The following ACTR5 variants were observed in gnomAD, a reference collection of about 807,000 sequenced individuals.
ACTR5 encodes the protein actin related protein 5.
ACTR5 carries 43 observed loss-of-function variants against 61.2 expected under a neutral mutation model. That is an observed-to-expected ratio of 0.70 (90% CI 0.55 to 0.91). The LOEUF (loss-of-function observed/expected upper bound fraction) is 0.91, where lower values mean the gene tolerates loss of function less well. Among genes scored for constraint, ACTR5 ranks in the 40% least tolerant of loss-of-function variants. ACTR5 has a pLI of 0.00. For missense variants in ACTR5, 798 were observed against 782.2 expected (o/e 1.02, Z -0.24); for synonymous variants, 333 against 310.5 (o/e 1.07, Z -0.76).
intron 2 of ACTR5, among the ~76,000 whole-genome samples, chr20:38,751,321 A>G (rs2084385870): frequency 6.6e-6 from 1 of 152,246 alleles, no homozygotes; most frequent in Non-Finnish European, 1.5e-5. Flanking sequence ...CTGAACATAT[A>G]AGGCAAATAC....
intron 8 of ACTR5, among the ~76,000 whole-genome samples, chr20:38,769,101 G>C (rs575587739): frequency 1.3e-5 from 2 of 152,074 alleles, no homozygotes; most frequent in Non-Finnish European, 2.9e-5. Flanking sequence ...CCACCCGCTC[G>C]TCAGCCACAG....
At chr20:38,757,012 A>G (rs1456068354) in intron 5 of ACTR5, among the ~76,000 whole-genome samples, 1 of 152,170 alleles carries the variant, frequency 6.6e-6, no homozygotes, top group Non-Finnish European at 1.5e-5. Context: ...ATAACCTCAG[A>G]CTCCTGGGCT....
At chr20:38,759,367 ACT>A (rs2084439945) in intron 5 of ACTR5, among the ~76,000 whole-genome samples, 2 of 88,628 alleles carry the variant, frequency 2.3e-5, no homozygotes, top group African/African-American at 7.6e-5. Flanking sequence ...ACCCTGGCAA[ACT>A]CTAGCGAGAG....
intron 5 of ACTR5, 98 bp downstream of exon 5, chr20:38,756,137 G>A (rs2084418888): frequency 7.6e-7 from 1 of 1,322,950 alleles, no homozygotes. Context: ...AGGAGGGAAA[G>A]AGAGCAGAGG....
intron 3 of ACTR5, among the ~76,000 whole-genome samples, chr20:38,752,762 T>C (rs959872057): frequency 2.6e-5 from 4 of 152,226 alleles, no homozygotes; most frequent in African/African-American, 7.2e-5. Context: ...GATGAAAATA[T>C]CTTCCTCGTG....
Position 38,771,557 on chromosome 20 carries a change from A to G in ACTR5, c.1567-2A>G, listed in dbSNP as rs890559732. 6.2e-7 allele frequency: 1 copy of G among 1,609,118 alleles called. No individual in the cohort carries two copies. The highest frequency in any genetic ancestry group is 8.5e-7 in the Non-Finnish European group (1 of 1,176,750). On this transcript the variant is annotated splice_acceptor_variant, in intron 8 of 8. Transcript: ENST00000243903. LOFTEE classifies it high-confidence loss of function. ...GTGTCCTGGTGAATCTTTGTGTTTC[A>G]GGTTCAACTTGCCTCGAACCCTGTG...
chr20:38,750,334 G>A (rs2084379083), intron 2 of ACTR5, 95 bp downstream of exon 2: 2 of 1,062,700 alleles, frequency 1.9e-6, no homozygotes, highest in Admixed American at 4.5e-5. Flanking sequence ...GAAAGAGCAA[G>A]TACTAGCCTG....
rs536181961 is a variant in ACTR5 at position 38,764,725 on chromosome 20, C to T, written c.1177-677C>T. 2.0e-5 allele frequency among the ~76,000 whole-genome samples: 3 copies of T among 152,318 alleles called. No homozygotes were observed. In the East Asian group the frequency reaches 5.8e-4, roughly 29 times the overall value. ...TTGCTCTTTCACCCAGGCTGGATTA[C>T]AGTGGCATGATCATGGCTCACTGTA... On this transcript the variant is annotated intron_variant, in intron 5 of 8. Transcript: ENST00000243903.
chr20:38,770,293 C>CT (rs1415078852), intron 8 of ACTR5, among the ~76,000 whole-genome samples: 3 of 152,204 alleles, frequency 2.0e-5, no homozygotes, highest in African/African-American at 7.2e-5. Context: ...AAATTTACAA[C>CT]TTTAAGTTCC....
In ACTR5 at chr20:38,771,645, G is replaced by T. The variant is rs2084520680; in HGVS notation, c.1653G>T (p.Trp551Cys). ...ACCACCTAGATGATAATGAAGTTTG[G>T]ATCACCAGGAAAGAGTATGAAGAAA... is the stretch of plus-strand genomic sequence containing the variant. ...ALNHLDDNEV[W>C]ITRKEYEEKG... Residue 551 changes from tryptophan to cysteine, a missense_variant, in exon 9 of 9, where the codon TGG (tryptophan) becomes TGT (cysteine). Coordinates refer to ENST00000243903, the MANE Select transcript of ACTR5 (RefSeq NM_024855.4). 1 of 1,614,058 alleles carries T rather than the reference G, an allele frequency of 6.2e-7. No individual in the cohort carries two copies. Among genetic ancestry groups the T allele is most frequent in the Non-Finnish European group, 8.5e-7 (1 of 1,180,042 alleles).
Position 38,767,593 on chromosome 20 carries a change from T to G in ACTR5, c.1563T>G (p.Phe521Leu), listed in dbSNP as rs1252103788. ...LLEMRPFRSS[F>L]QVQLASNPVL... ...AGATGAGACCCTTCCGGTCTTCTTT[T>G]CAGGTACTGATTGTTCGAGTAGTCA... is the stretch of plus-strand genomic sequence containing the variant. Residue 521 changes from phenylalanine to leucine, a missense_variant, in exon 8 of 9, where the codon TTT becomes TTG. Physicochemically the swap from Phe to Leu is conservative, Grantham distance 22. Coordinates refer to ENST00000243903, the MANE Select transcript of ACTR5 (RefSeq NM_024855.4). 2.5e-6 allele frequency: 4 copies of G among 1,610,002 alleles called. No homozygotes were observed. Among genetic ancestry groups the G allele is most frequent in the Non-Finnish European group, 1.7e-6 (2 of 1,177,552 alleles).
intron 7 of ACTR5, 81 bp from the exon 8 acceptor site, chr20:38,767,383 C>A: frequency 3.3e-6 from 4 of 1,197,870 alleles, no homozygotes; most frequent in South Asian, 2.0e-5. Context: ...CTGTTTTGTA[C>A]TGAGAGCTTA....
chr20:38,751,850 A>G (rs571120285), intron 2 of ACTR5, among the ~76,000 whole-genome samples: 5 of 152,324 alleles, frequency 3.3e-5, no homozygotes, highest in African/African-American at 7.2e-5. Context: ...ACCTGGTCCC[A>G]GGACTACAGT....
At chr20:38,770,703 CA>C in intron 8 of ACTR5, among the ~76,000 whole-genome samples, 2 of 152,318 alleles carry the variant, frequency 1.3e-5, no homozygotes, top group South Asian at 4.1e-4. Flanking sequence ...CCCCTGAAGC[CA>C]GGGGGTGGGG....
At chr20:38,770,623 C>T (rs148015099) in intron 8 of ACTR5, among the ~76,000 whole-genome samples, 37 of 152,254 alleles carry the variant, frequency 2.4e-4, no homozygotes, top group Non-Finnish European at 2.8e-4. Context: ...GTAATGATGA[C>T]AGCTATGCTT....
intron 5 of ACTR5, among the ~76,000 whole-genome samples, chr20:38,764,276 T>C (rs969671839): frequency 6.6e-6 from 1 of 152,216 alleles, no homozygotes; most frequent in Non-Finnish European, 1.5e-5. Flanking sequence ...TACACTCTGC[T>C]TGAACCCTCC....
At chr20:38,767,336 A>ATTT in intron 7 of ACTR5, 128 bp from the exon 8 acceptor site, 8 of 688,544 alleles carry the variant, frequency 1.2e-5, no homozygotes, top group African/African-American at 1.9e-5. Context: ...GAAAGTTTTG[A>ATTT]TTTTTTTTTT....
At chr20:38,750,923 G>A (rs760843499) in intron 2 of ACTR5, among the ~76,000 whole-genome samples, 19 of 152,112 alleles carry the variant, frequency 1.2e-4, no homozygotes, top group Non-Finnish European at 2.6e-4. Flanking sequence ...GAGCCACCGC[G>A]CCCAGCCAAT....
At chr20:38,756,480 G>A (rs2084420829) in intron 5 of ACTR5, among the ~76,000 whole-genome samples, 1 of 152,222 alleles carries the variant, frequency 6.6e-6, no homozygotes, top group South Asian at 2.1e-4. Context: ...GCAGTTGGTA[G>A]TTATGCTCAA....
Sources: gnomAD v4.1 joint callset for allele counts (sites outside exome capture counted in the v4.1 genomes callset) on GRCh38, gnomAD v4.1.1 for gene constraint, MANE v1.5 for transcripts, NCBI Gene and HGNC (gene_info 2026-07-23, HGNC 2026-07-21) for gene names.